The following RGPD2 variants were observed in gnomAD, a reference collection of about 807,000 sequenced individuals.
RGPD2 encodes RANBP2 like and GRIP domain containing 2, also known as RANBP2-like and GRIP domain-containing protein 2.
RGPD2 carries 2 observed loss-of-function variants against 36.0 expected under a neutral mutation model. That is an observed-to-expected ratio of 0.06 (90% CI 0.02 to 0.17). The LOEUF (loss-of-function observed/expected upper bound fraction) is 0.17, where lower values mean the gene tolerates loss of function less well. RGPD2 is among the 10% of genes least tolerant of loss of function. The probability of loss-of-function intolerance (pLI) is 1.00; values close to 1 mark genes in which losing one functional copy is unlikely to be tolerated. For synonymous variants in RGPD2, 19 were observed against 163.8 expected, an observed-to-expected ratio of 0.12 and a Z score of 6.75; for missense variants, 40 against 464.3, an observed-to-expected ratio of 0.09 and a Z score of 8.40.
At chr2:87,921,700 C>A in the RGPD2 span, among the ~76,000 whole-genome samples, 2 of 152,116 alleles carry the variant, frequency 1.3e-5, no homozygotes, top group Non-Finnish European at 2.9e-5. Flanking sequence ...GGCCATTTGT[C>A]AGAGACAACC....
chr2:87,881,436 T>C, the RGPD2 span, among the ~76,000 whole-genome samples: 1 of 152,178 alleles, frequency 6.6e-6, no homozygotes, highest in African/African-American at 2.4e-5. Context: ...ACCCAGGCTT[T>C]CTCAAACATC....
chr2:87,938,214 G>T, the RGPD2 span, among the ~76,000 whole-genome samples: 2,539 of 151,762 alleles, frequency 0.017, 55 homozygotes, highest in African/African-American at 0.059. Flanking sequence ...ATAATTAAAT[G>T]ATCTTGTGAC....
At chr2:87,955,158 C>T in the RGPD2 span, among the ~76,000 whole-genome samples, 4 of 85,394 alleles carry the variant, frequency 4.7e-5, no homozygotes, top group Non-Finnish European at 6.7e-5. Flanking sequence ...GGACTACAGG[C>T]GCCCCGCCAC....
chr2:87,984,406 G>A, the RGPD2 span, among the ~76,000 whole-genome samples: 1 of 151,412 alleles, frequency 6.6e-6, no homozygotes, highest in African/African-American at 2.4e-5. Flanking sequence ...GATTCACAAG[G>A]TACAATTATT....
intron 20 of RGPD2, among the ~76,000 whole-genome samples, chr2:87,776,609 CTG>C (rs1429859182): frequency 2.5e-5 from 3 of 118,354 alleles, no homozygotes; most frequent in African/African-American, 9.1e-5. Flanking sequence ...GCTCTAAAGA[CTG>C]TGTGTATGTG....
At chr2:87,978,117 A>AAAAAT in the RGPD2 span, among the ~76,000 whole-genome samples, 3 of 149,614 alleles carry the variant, frequency 2.0e-5, no homozygotes, top group South Asian at 2.2e-4. Flanking sequence ...ACTCCATCTC[A>AAAAAT]AAAATAAAAT....
the RGPD2 span, among the ~76,000 whole-genome samples, chr2:87,866,752 G>C: frequency 8.6e-5 from 13 of 151,888 alleles, no homozygotes; most frequent in African/African-American, 3.1e-4. Flanking sequence ...ATGCAGGGTG[G>C]GAGAGAACTG....
the RGPD2 span, among the ~76,000 whole-genome samples, chr2:87,877,730 AG>A: frequency 7.1e-6 from 1 of 140,756 alleles, no homozygotes; most frequent in Non-Finnish European, 1.5e-5. Flanking sequence ...GCACGAACCC[AG>A]GAGGCAGAGC....
chr2:87,853,860 A>G, the RGPD2 span, among the ~76,000 whole-genome samples: 5 of 152,168 alleles, frequency 3.3e-5, no homozygotes, highest in Non-Finnish European at 7.3e-5. Flanking sequence ...GTAAAAATCA[A>G]GGCCTAGGCT....
chr2:87,984,129 T>C, the RGPD2 span, among the ~76,000 whole-genome samples: 1 of 149,078 alleles, frequency 6.7e-6, no homozygotes. Flanking sequence ...TGATGAAAAT[T>C]TGAAAAAACC....
the RGPD2 span, among the ~76,000 whole-genome samples, chr2:87,857,156 C>A: frequency 6.6e-6 from 1 of 152,212 alleles, no homozygotes; most frequent in Non-Finnish European, 1.5e-5. Flanking sequence ...GAACTCCCTA[C>A]AAAAATGTGA....
At chr2:87,983,721 G>A in the RGPD2 span, among the ~76,000 whole-genome samples, 1 of 144,952 alleles carries the variant, frequency 6.9e-6, no homozygotes, top group Admixed American at 7.2e-5. Flanking sequence ...GACAGGACAG[G>A]CAGCACTGAG....
At chr2:87,843,763 G>C in the RGPD2 span, among the ~76,000 whole-genome samples, 1 of 152,118 alleles carries the variant, frequency 6.6e-6, no homozygotes, top group Admixed American at 6.5e-5. Flanking sequence ...ACATGCAGAC[G>C]TATGTTTATT....
chr2:87,952,976 T>C, the RGPD2 span, among the ~76,000 whole-genome samples: 1 of 149,254 alleles, frequency 6.7e-6, no homozygotes, highest in Non-Finnish European at 1.5e-5. Context: ...AATGTGATGG[T>C]GGTTTCTGAC....
the RGPD2 span, among the ~76,000 whole-genome samples, chr2:87,984,357 G>C: frequency 1.3e-5 from 2 of 151,992 alleles, no homozygotes; most frequent in Non-Finnish European, 2.9e-5. Context: ...AAAGAGTCGT[G>C]AAAAAGGATG....
chr2:87,915,269 T>C, the RGPD2 span, among the ~76,000 whole-genome samples: 2 of 143,400 alleles, frequency 1.4e-5, no homozygotes, highest in African/African-American at 2.6e-5. Context: ...TACGTGTGTG[T>C]GTGTGTATAT....
chr2:87,940,917 C>T, the RGPD2 span, among the ~76,000 whole-genome samples: 1 of 151,892 alleles, frequency 6.6e-6, no homozygotes, highest in Non-Finnish European at 1.5e-5. Context: ...CATTTATCTA[C>T]AAAGACCAAT....
chr2:87,980,100 A>C, the RGPD2 span, among the ~76,000 whole-genome samples: 2 of 152,228 alleles, frequency 1.3e-5, no homozygotes, highest in Non-Finnish European at 2.9e-5. Flanking sequence ...CTGTAATCCC[A>C]GCACTTTGGG....
At chr2:87,916,674 C>G in the RGPD2 span, among the ~76,000 whole-genome samples, 6 of 151,996 alleles carry the variant, frequency 3.9e-5, no homozygotes, top group African/African-American at 1.5e-4. Flanking sequence ...TCCAGTCACG[C>G]GAAGTGGCTC....
Sources: gnomAD v4.1 joint callset for allele counts (sites outside exome capture counted in the v4.1 genomes callset) on GRCh38, gnomAD v4.1.1 for gene constraint, MANE v1.5 for transcripts, NCBI Gene and HGNC (gene_info 2026-07-23, HGNC 2026-07-21) for gene names.